Variants in DISC1 observed in about 807,000 individuals in gnomAD.
DISC1 encodes disrupted in schizophrenia 1 protein.
Under a neutral mutation model 84.5 loss-of-function variants are expected in DISC1, and 57 were observed. The observed-to-expected ratio is 0.67, with a 90% CI of 0.55 to 0.84. The LOEUF (loss-of-function observed/expected upper bound fraction) is 0.84, where lower values mean the gene tolerates loss of function less well. DISC1 is among the 40% of genes least tolerant of loss of function. The probability of loss-of-function intolerance (pLI) is 0.00; values close to 1 mark genes in which losing one functional copy is unlikely to be tolerated. For synonymous variants in DISC1, 411 were observed against 415.2 expected (o/e 0.99, Z 0.12); for missense variants, 1,000 against 1,057.8 (o/e 0.95, Z 0.76).
At chr1:231,643,814 C>A (rs1032829842) in intron 1 of DISC1, among the ~76,000 whole-genome samples, 4 of 152,102 alleles carry the variant, frequency 2.6e-5, no homozygotes, top group African/African-American at 9.7e-5. Flanking sequence ...TGCAGCCTGC[C>A]GCTGTGCAGG....
At chr1:231,766,001 G>A (rs188165116) in intron 4 of DISC1, among the ~76,000 whole-genome samples, 4 of 152,036 alleles carry the variant, frequency 2.6e-5, no homozygotes, top group African/African-American at 9.6e-5. Flanking sequence ...CATTAAAAAA[G>A]ATTAAGGGCC....
chr1:231,631,491 C>A (rs2058705659), intron 1 of DISC1, among the ~76,000 whole-genome samples: 1 of 152,058 alleles, frequency 6.6e-6, no homozygotes, highest in South Asian at 2.1e-4. Flanking sequence ...CGTGTTTTTG[C>A]CTTGAAGGCC....
chr1:232,036,306 A>G (rs938346078), intron 12 of DISC1, among the ~76,000 whole-genome samples: 7 of 152,164 alleles, frequency 4.6e-5, no homozygotes, highest in South Asian at 4.2e-4. Context: ...CAAGCATTCT[A>G]CCCTTTCCAC....
intron 9 of DISC1, among the ~76,000 whole-genome samples, chr1:231,849,835 G>A (rs1425656108): frequency 6.6e-6 from 1 of 152,180 alleles, no homozygotes; most frequent in African/African-American, 2.4e-5. Context: ...CACATATGCA[G>A]TTTCTCCTAT....
At chr1:231,757,351 A>T (rs550922862) in intron 4 of DISC1, among the ~76,000 whole-genome samples, 2 of 152,324 alleles carry the variant, frequency 1.3e-5, no homozygotes, top group African/African-American at 4.8e-5. Context: ...GGTTAATAAA[A>T]TTTAGTTTAG....
intron 11 of DISC1, among the ~76,000 whole-genome samples, chr1:232,018,791 A>G (rs1668701338): frequency 1.3e-5 from 2 of 152,204 alleles, no homozygotes; most frequent in Admixed American, 1.3e-4. Flanking sequence ...AATAAAAGCC[A>G]TGTGTGTACA....
chr1:231,737,345 A>G (rs957291766), intron 3 of DISC1, among the ~76,000 whole-genome samples: 81 of 152,358 alleles, frequency 5.3e-4, no homozygotes, highest in African/African-American at 1.8e-3. Flanking sequence ...AATGCAAGTC[A>G]TATTTCTAAT....
intron 3 of DISC1, among the ~76,000 whole-genome samples, chr1:231,729,303 C>T (rs932451781): frequency 3.9e-5 from 6 of 152,194 alleles, no homozygotes; most frequent in African/African-American, 7.2e-5. Context: ...AATAAACATA[C>T]GTGTGCATAT....
At chr1:232,025,309 G>A (rs1455163877) in intron 11 of DISC1, among the ~76,000 whole-genome samples, 1 of 152,196 alleles carries the variant, frequency 6.6e-6, no homozygotes, top group East Asian at 1.9e-4. Flanking sequence ...AGCTTAGCTT[G>A]CCTTTAGGAG....
At chr1:231,780,931 A>G (rs1468064844) in intron 6 of DISC1, among the ~76,000 whole-genome samples, 8 of 116,748 alleles carry the variant, frequency 6.9e-5, no homozygotes, top group African/African-American at 2.0e-4. Context: ...AACACCGCAT[A>G]TTCTCACTCA....
intron 10 of DISC1, among the ~76,000 whole-genome samples, chr1:231,988,597 C>T (rs1664779326): frequency 6.6e-6 from 1 of 152,182 alleles, no homozygotes; most frequent in African/African-American, 2.4e-5. Flanking sequence ...AAGAAGGCAC[C>T]ACCTGCAAGA....
chr1:231,922,543 C>T (rs1172167545), intron 9 of DISC1, among the ~76,000 whole-genome samples: 1 of 152,128 alleles, frequency 6.6e-6, no homozygotes, highest in East Asian at 1.9e-4. Flanking sequence ...ATCCTGATTC[C>T]AGTGGGAATA....
At chr1:231,930,728 C>G (rs1424721686) in intron 9 of DISC1, among the ~76,000 whole-genome samples, 1 of 152,090 alleles carries the variant, frequency 6.6e-6, no homozygotes, top group Non-Finnish European at 1.5e-5. Flanking sequence ...GGACAAAGCA[C>G]CCATCAACAT....
intron 9 of DISC1, among the ~76,000 whole-genome samples, chr1:231,840,672 G>A (rs959135830): frequency 6.6e-6 from 1 of 151,942 alleles, no homozygotes; most frequent in Non-Finnish European, 1.5e-5. Context: ...CAGCCCAAGG[G>A]AATTCTTGGT....
Position 231,773,043 on chromosome 1 carries a change from T to C in DISC1, c.1634+1973T>C, listed in dbSNP as rs115052498. The stretch of plus-strand genomic sequence containing the variant: ...TGGTGGGTAGGCTGTTATGTTCTCA[T>C]TTTGCAACTGAGGAATCAAAAACTC... On this transcript the variant is annotated intron_variant, in intron 6 of 12. Transcript: ENST00000439617. Among the ~76,000 whole-genome samples the C allele has an allele frequency of 8.5e-3, 1,297 of 152,318 alleles. 21 individuals carry two copies. The highest frequency in any genetic ancestry group is 0.03 in the African/African-American group (1,244 of 41,564).
chr1:231,989,203 C>T (rs896659546), intron 10 of DISC1, among the ~76,000 whole-genome samples: 3 of 152,228 alleles, frequency 2.0e-5, no homozygotes, highest in Non-Finnish European at 4.4e-5. Flanking sequence ...TATCAAGATT[C>T]TTTCCTACCC....
chr1:231,648,472 C>T (rs1018730732), intron 1 of DISC1, among the ~76,000 whole-genome samples: 1 of 152,204 alleles, frequency 6.6e-6, no homozygotes, highest in African/African-American at 2.4e-5. Context: ...GTATTTTATT[C>T]AGGATTTTTG....
chr1:231,989,617 A>G (rs891625897), intron 10 of DISC1, among the ~76,000 whole-genome samples: 12 of 152,226 alleles, frequency 7.9e-5, no homozygotes, highest in African/African-American at 2.7e-4. Context: ...TTTAAGGGAT[A>G]AAGCAGACAT....
At chr1:231,959,277 A>C in intron 10 of DISC1, 1 of 988,152 alleles carries the variant, frequency 1.0e-6, no homozygotes, top group Non-Finnish European at 1.2e-6. Flanking sequence ...ATAATATAGA[A>C]ATGCACGTCT....
Sources: gnomAD v4.1 joint callset for allele counts (sites outside exome capture counted in the v4.1 genomes callset) on GRCh38, gnomAD v4.1.1 for gene constraint, MANE v1.5 for transcripts, NCBI Gene and HGNC (gene_info 2026-07-23, HGNC 2026-07-21) for gene names.